CLHC1: variants seen among roughly 807,000 people sequenced by gnomAD.
CLHC1 encodes the protein clathrin heavy chain linker domain-containing protein 1.
Under a neutral mutation model 69.5 loss-of-function variants are expected in CLHC1, and 72 were observed. That is an observed-to-expected ratio of 1.04 (90% CI 0.86 to 1.26). The LOEUF (loss-of-function observed/expected upper bound fraction) is 1.26. Ranked by LOEUF, CLHC1 falls within the 50% of genes most tolerant of loss-of-function variation. The pLI is 0.00. For missense variants in CLHC1, 790 were observed against 679.3 expected, an observed-to-expected ratio of 1.16 and a Z score of -1.81; for synonymous variants, 223 against 224.3, an observed-to-expected ratio of 0.99 and a Z score of 0.05.
At chr2:55,176,077 C>T in intron 12 of CLHC1, 91 bp from the exon 13 acceptor site, 1 of 1,055,542 alleles carries the variant, frequency 9.5e-7, no homozygotes, top group South Asian at 1.6e-5. Flanking sequence ...GACATAATTT[C>T]AACTCAGTTA....
rs763967811 is a variant in CLHC1 at position 55,181,552 on chromosome 2, A to C, written c.1181+18T>G. 6.4e-7 allele frequency: 1 copy of C among 1,551,314 alleles called. No individual in the cohort carries two copies. ...TAACGAAATGTCAAAATTAAGTTAA[A>C]AGCTTAACTTTGCTTACCTTTCCTG... On this transcript the variant is annotated intron_variant, in intron 10 of 12. Transcript: ENST00000401408.
Position 55,174,272 on chromosome 2 carries a change from T to C in CLHC1, c.*1518A>G, listed in dbSNP as rs763095682. 2.0e-5 allele frequency among the ~76,000 whole-genome samples: 3 copies of C among 152,152 alleles called. No individual in the cohort carries two copies. Among genetic ancestry groups the C allele is most frequent in the Non-Finnish European group, 4.4e-5 (3 of 68,030 alleles). Reference sequence around the variant, plus strand: ...ATCCAGTATTCTATTTAGCACCAAATGGAAAAATTAAAAACTCAGCTTGAA... The same window carrying C: ...ATCCAGTATTCTATTTAGCACCAAACGGAAAAATTAAAAACTCAGCTTGAA... On this transcript the variant is annotated 3_prime_UTR_variant, in exon 13 of 13. Transcript: ENST00000401408.
rs529874454 is a variant in CLHC1, at chr2:55,230,904, C to A, written c.-256+1319G>T. ...AAAGATTAGAGACAATATGTACAAG[C>A]AACTCTAGGAAATTTTGTTGTAGAG... On this transcript the variant is annotated intron_variant, in intron 1 of 12. Coordinates refer to ENST00000401408, the MANE Select transcript of CLHC1 (RefSeq NM_152385.4). Among the ~76,000 whole-genome samples the A allele has an allele frequency of 5.9e-5, 9 of 152,246 alleles. No individual in the cohort carries two copies. In the South Asian group the frequency reaches 1.9e-3, roughly 32 times the overall value.
At chr2:55,202,096 T>C (rs745411945) in intron 9 of CLHC1, among the ~76,000 whole-genome samples, 3 of 152,110 alleles carry the variant, frequency 2.0e-5, no homozygotes, top group Non-Finnish European at 4.4e-5. Context: ...CTGTAAGATC[T>C]GGAACACAAC....
At chr2:55,221,534 T>C (rs1396863665) in intron 3 of CLHC1, among the ~76,000 whole-genome samples, 2 of 152,192 alleles carry the variant, frequency 1.3e-5, no homozygotes, top group South Asian at 2.1e-4. Context: ...TAAACCAAGA[T>C]TTTAATGATA....
upstream of CLHC1, chr2:55,232,315 G>A (rs1356174862): frequency 4.8e-6 from 1 of 209,178 alleles, no homozygotes; most frequent in Non-Finnish European, 1.0e-5. Flanking sequence ...CTGCATCTTG[G>A]GACAAGTAGT....
chr2:55,188,931 C>T (rs1670670151), intron 9 of CLHC1, among the ~76,000 whole-genome samples: 2 of 152,094 alleles, frequency 1.3e-5, no homozygotes, highest in Admixed American at 1.3e-4. Flanking sequence ...GGATGTGATC[C>T]AGCTGCCTAT....
intron 9 of CLHC1, among the ~76,000 whole-genome samples, chr2:55,183,181 C>T (rs892201117): frequency 6.6e-6 from 1 of 152,120 alleles, no homozygotes; most frequent in African/African-American, 2.4e-5. Flanking sequence ...AGAGCCAAAT[C>T]AGAGCCTAAC....
At chr2:55,218,146 A>G in intron 3 of CLHC1, 148 bp from the exon 4 acceptor site, 3 of 455,128 alleles carry the variant, frequency 6.6e-6, no homozygotes, top group Non-Finnish European at 1.1e-5. Flanking sequence ...CTCAAACATA[A>G]TTGGACACTA....
At chr2:55,188,842 G>GTATA (rs1402725026) in intron 9 of CLHC1, among the ~76,000 whole-genome samples, 1 of 152,094 alleles carries the variant, frequency 6.6e-6, no homozygotes, top group African/African-American at 2.4e-5. Flanking sequence ...ATAAGCAATA[G>GTATA]TATAATTCAG....
At chr2:55,185,430 T>C (rs1168963628) in intron 9 of CLHC1, among the ~76,000 whole-genome samples, 1 of 152,174 alleles carries the variant, frequency 6.6e-6, no homozygotes, top group Non-Finnish European at 1.5e-5. Context: ...AAAAGGTGTC[T>C]ACATGAAGAC....
chr2:55,197,000 T>C (rs1457386320), intron 9 of CLHC1, among the ~76,000 whole-genome samples: 9 of 152,144 alleles, frequency 5.9e-5, no homozygotes, highest in African/African-American at 2.2e-4. Context: ...CCTGGTAGCA[T>C]TCACCACTAG....
At chr2:55,226,863 C>T (rs1674757723) in intron 2 of CLHC1, among the ~76,000 whole-genome samples, 2 of 152,224 alleles carry the variant, frequency 1.3e-5, no homozygotes, top group African/African-American at 2.4e-5. Context: ...GAACTCCTGG[C>T]CTCAAGTGAT....
chr2:55,212,926 G>A lies in CLHC1; in HGVS notation c.366-120C>T, dbSNP rs574939276. The A allele has an allele frequency of 1.1e-5, 8 of 742,798 alleles. No homozygotes were observed. The African/African-American group carries it at 1.2e-4, about 12-fold the overall frequency. 46.0% of individuals were successfully genotyped at this position (742,798 alleles called of 1,614,324 possible). On this transcript the variant is annotated intron_variant, in intron 4 of 12. Transcript: ENST00000401408. ...TGAACCATTATGGACTAGGTGAAATGCCCTGAAAAAGTTATCTAGCCTCAC... is the reference window on the plus strand; with the variant it reads ...TGAACCATTATGGACTAGGTGAAATACCCTGAAAAAGTTATCTAGCCTCAC...
In CLHC1 at chr2:55,217,827, T is replaced by C. The variant is rs769268457; in HGVS notation, c.349A>G (p.Ile117Val). The change falls in exon 4 of 13, where the codon ATC becomes GTC. Residue 117 changes from isoleucine to valine, a missense_variant. Coordinates refer to ENST00000401408, the MANE Select transcript of CLHC1 (RefSeq NM_152385.4). ...TALVYYRKRTIQLEAKMRIIE... is the reference protein window; with the variant it reads ...TALVYYRKRTVQLEAKMRIIE... ...AATACTTACTTTGCTTCAAGTTGGA[T>C]TGTTCTTTTCCTGTAATATACCAAA... The C allele has an allele frequency of 6.5e-7, 1 of 1,542,296 alleles. No individual in the cohort carries two copies. Among genetic ancestry groups the C allele is most frequent in the African/African-American group, 1.4e-5 (1 of 70,828 alleles).
intron 3 of CLHC1, among the ~76,000 whole-genome samples, chr2:55,220,625 A>G (rs1200665466): frequency 6.6e-6 from 1 of 152,190 alleles, no homozygotes; most frequent in Non-Finnish European, 1.5e-5. Flanking sequence ...TTTACCAACA[A>G]TACCTCCAAA....
chr2:55,207,041 G>T (rs1467261614), intron 8 of CLHC1: 1 of 152,176 alleles, frequency 6.6e-6, no homozygotes, highest in African/African-American at 2.4e-5. Context: ...CTTGAACCCG[G>T]GAGGCAGAGG....
chr2:55,226,108 C>T (rs548476843), intron 2 of CLHC1, among the ~76,000 whole-genome samples: 5 of 151,120 alleles, frequency 3.3e-5, no homozygotes, highest in Admixed American at 1.3e-4. Context: ...AGGAGAGTGG[C>T]GTGAACCCGG....
intron 9 of CLHC1, among the ~76,000 whole-genome samples, chr2:55,195,092 G>A (rs1206911131): frequency 1.3e-5 from 2 of 152,002 alleles, no homozygotes; most frequent in African/African-American, 2.4e-5. Flanking sequence ...ATGCAATTTC[G>A]ATTATGCAAT....
Sources: gnomAD v4.1 joint callset for allele counts (sites outside exome capture counted in the v4.1 genomes callset) on GRCh38, gnomAD v4.1.1 for gene constraint, MANE v1.5 for transcripts, NCBI Gene and HGNC (gene_info 2026-07-23, HGNC 2026-07-21) for gene names.